Variants in SPEN observed in about 807,000 individuals in gnomAD.
SPEN encodes the protein spen family transcriptional repressor.
Under a neutral mutation model 269.9 loss-of-function variants are expected in SPEN, and 18 were observed. The observed-to-expected ratio is 0.07, with a 90% confidence interval of 0.05 to 0.10. The LOEUF is 0.10. Ranked by LOEUF, SPEN falls within the 10% of genes least tolerant of loss-of-function variation. SPEN has a pLI of 1.00. For missense variants in SPEN, 3,822 were observed against 4,631.2 expected, an observed-to-expected ratio of 0.83 and a Z score of 5.07; for synonymous variants, 1,726 against 1,765.7, an observed-to-expected ratio of 0.98 and a Z score of 0.56.
chr1:15,900,696 C>T (rs980324066), intron 3 of SPEN, among the ~76,000 whole-genome samples: 1 of 152,016 alleles, frequency 6.6e-6, no homozygotes, highest in African/African-American at 2.4e-5. Flanking sequence ...AAGGATCCTG[C>T]GTTTGGATTG....
In SPEN at chr1:15,847,819, G is replaced by T. The variant is rs1221551158; in HGVS notation, c.-249G>T. 1.7e-5 allele frequency: 4 copies of T among 237,038 alleles called. No homozygotes were observed. The East Asian group carries it at 2.9e-4, about 17-fold the overall frequency. The allele number at this position is 237,038 out of a possible 1,614,324, so 14.7% of individuals were successfully genotyped here. On this transcript the variant is annotated 5_prime_UTR_variant, in exon 1 of 15. Coordinates refer to ENST00000375759, the MANE Select transcript of SPEN (RefSeq NM_015001.3). ...CCGCCCCTGCCCGGGCGCATGCGCT[G>T]CCGGAGCGCGAGGGTCGGCTTCGGG...
intron 9 of SPEN, among the ~76,000 whole-genome samples, chr1:15,922,035 T>C (rs1318202818): frequency 6.6e-6 from 1 of 152,238 alleles, no homozygotes; most frequent in Non-Finnish European, 1.5e-5. Context: ...TTTGAAACTT[T>C]ATAAATTTCA....
At chr1:15,924,919 C>T (rs1189869674) in intron 10 of SPEN, among the ~76,000 whole-genome samples, 1 of 152,144 alleles carries the variant, frequency 6.6e-6, no homozygotes, top group Non-Finnish European at 1.5e-5. Flanking sequence ...CATGTGGTTT[C>T]AGTTGGCAGT....
Position 15,936,256 on chromosome 1 carries a change from C to T in SPEN, c.10016C>T (p.Thr3339Ile). The T allele has an allele frequency of 6.5e-7, 1 of 1,545,612 alleles. No homozygotes were observed. The highest frequency in any genetic ancestry group is 8.8e-7 in the Non-Finnish European group (1 of 1,137,986). ...SSVGLPSRTK[T>I]AAQGPPPEGE... ...GTTGGCCTGCCTTCCCGGACCAAGACAGCTGCTCAGGTGAGCCAGCCAGGT... is the reference window on the plus strand; with the variant it reads ...GTTGGCCTGCCTTCCCGGACCAAGATAGCTGCTCAGGTGAGCCAGCCAGGT... The change falls in exon 11 of 15, where the codon ACA becomes ATA. Residue 3339 changes from threonine (T) to isoleucine (I), a missense_variant. By Grantham distance (89) the Thr-to-Ile change is moderately conservative (BLOSUM62 -1). Around this residue, in one of 16 missense-constraint regions of SPEN, gnomAD observed 359 missense variants for 377.3 expected, o/e 0.95. Transcript: ENST00000375759.
rs747514839 is a variant in SPEN at position 15,929,616 on chromosome 1, A to C, written c.3376A>C (p.Arg1126=). ...GGTATTAGATGATCAAGGACCAGAG[A>C]GAGAAGACGTTAGGAAAAACTATTG... ...LQVLDDQGPE[R]EDVRKNYCSL... Residue 1126 remains arginine, a synonymous_variant, in exon 11 of 15, where the codon AGA becomes CGA. Coordinates refer to ENST00000375759, the MANE Select transcript of SPEN (RefSeq NM_015001.3). This position sits in a 1 kb window ranked among gnomAD's most constrained non-coding sequence, Gnocchi z 5.8. The C allele has an allele frequency of 4.3e-6, 7 of 1,614,162 alleles. No homozygotes were observed. The highest frequency in any genetic ancestry group is 5.9e-6 in the Non-Finnish European group (7 of 1,180,010).
intron 3 of SPEN, among the ~76,000 whole-genome samples, chr1:15,886,283 C>T (rs1422961921): frequency 6.6e-6 from 1 of 152,104 alleles, no homozygotes; most frequent in Non-Finnish European, 1.5e-5. Context: ...AACCAGGTAG[C>T]CTTAGCTCTG....
In SPEN at chr1:15,876,675, A is replaced by C. The variant is rs1356238418; in HGVS notation, c.878A>C (p.Asp293Ala). The change falls in exon 3 of 15, where the codon GAC becomes GCC. Residue 293 changes from aspartate (D) to alanine (A), a missense_variant. Transcript: ENST00000375759. ...SISSSSSTSS[D>A]SSDSSSSSSD... is the part of the protein sequence containing the mutation. ...AGCAGCAGCAGTAGTACCAGCAGTG[A>C]CAGGTAGGTTAACAGCCTTTTGTTA... 7.5e-6 allele frequency: 12 copies of C among 1,609,248 alleles called. No individual in the cohort carries two copies. The highest frequency in any genetic ancestry group is 2.7e-5 in the African/African-American group (2 of 74,846).
At chr1:15,875,207 T>C (rs1280472942) in intron 2 of SPEN, among the ~76,000 whole-genome samples, 2 of 152,174 alleles carry the variant, frequency 1.3e-5, no homozygotes, top group Non-Finnish European at 2.9e-5. Context: ...CATAATTGCA[T>C]GTGTGTAATC....
chr1:15,919,296 A>G (rs878984463), intron 7 of SPEN, 108 bp from the exon 8 acceptor site: 1 of 761,542 alleles, frequency 1.3e-6, no homozygotes. Flanking sequence ...CCCACTTGAG[A>G]TGTTGATTTG....
chr1:15,885,306 T>C (rs1014849348), intron 3 of SPEN, among the ~76,000 whole-genome samples: 1 of 152,202 alleles, frequency 6.6e-6, no homozygotes, highest in Non-Finnish European at 1.5e-5. Flanking sequence ...TGCTTCGTTA[T>C]TACTTTTTTA....
intron 1 of SPEN, among the ~76,000 whole-genome samples, chr1:15,872,612 A>AAG (rs2070592015): frequency 6.6e-6 from 1 of 151,892 alleles, no homozygotes; most frequent in African/African-American, 2.4e-5. Flanking sequence ...AAAAAAAAAA[A>AAG]AAAGAAATGA....
intron 13 of SPEN, among the ~76,000 whole-genome samples, chr1:15,938,312 C>G (rs760118918): frequency 5.3e-5 from 8 of 152,134 alleles, no homozygotes; most frequent in Non-Finnish European, 1.2e-4. Context: ...GATGGGGTTT[C>G]ACCATGTTGG....
chr1:15,928,113 G>A lies in SPEN; in HGVS notation c.1873G>A (p.Asp625Asn), dbSNP rs1350671357. ...ERREERRASY[D>N]YNQDRTYYES... ...CAGAGAGGAACGAAGGGCATCCTAC[G>A]ACTATAACCAAGATCGTACATATTA... Residue 625 changes from aspartate to asparagine, a missense_variant, in exon 11 of 15, where the codon GAC (aspartate) becomes AAC (asparagine). Around this residue, in one of 16 missense-constraint regions of SPEN, gnomAD observed 230 missense variants for 426.1 expected, o/e 0.54. Coordinates refer to ENST00000375759, the MANE Select transcript of SPEN (RefSeq NM_015001.3). The surrounding 1 kb of genome is among the most constrained non-coding windows in gnomAD (Gnocchi z 5.7). The A allele has an allele frequency of 3.7e-6, 6 of 1,608,092 alleles. No homozygotes were observed. The highest frequency in any genetic ancestry group is 3.3e-4 in the Middle Eastern group (2 of 6,040).
chr1:15,907,155 A>G (rs970274157), intron 3 of SPEN, among the ~76,000 whole-genome samples: 4 of 152,176 alleles, frequency 2.6e-5, no homozygotes, highest in African/African-American at 7.2e-5. Context: ...TTAGTTTTCT[A>G]TAAGAAAACA....
Position 15,855,990 on chromosome 1 carries a change from CT to C in SPEN, c.83+7860del, listed in dbSNP as rs1553173874. 1.9e-3 allele frequency among the ~76,000 whole-genome samples: 55 copies of C among 28,234 alleles called. 4 individuals carry two copies. The highest frequency in any genetic ancestry group is 2.9e-3 in the African/African-American group (28 of 9,696). The allele number at this position is 28,234 out of a possible 152,430, so 18.5% of individuals were successfully genotyped here. On this transcript the variant is annotated intron_variant, in intron 1 of 14. Coordinates refer to ENST00000375759, the MANE Select transcript of SPEN (RefSeq NM_015001.3). ...TTATTGTGTGAAAAGGATGCTAGAA[CT>C]TTTTTTTTTTTTTTTTTTTGAGACG...
chr1:15,869,676 A>G (rs1423078300), intron 1 of SPEN, among the ~76,000 whole-genome samples: 3 of 150,000 alleles, frequency 2.0e-5, no homozygotes, highest in African/African-American at 2.5e-5. Context: ...TGACTCACTC[A>G]TGGCCATTTT....
intron 3 of SPEN, among the ~76,000 whole-genome samples, chr1:15,898,619 T>C (rs1405344515): frequency 6.6e-6 from 1 of 150,392 alleles, no homozygotes; most frequent in Non-Finnish European, 1.5e-5. Flanking sequence ...GAGTGCAGTG[T>C]CTCAGTCTTG....
Position 15,931,823 on chromosome 1 carries a change from A to G in SPEN, c.5583A>G (p.Glu1861=), listed in dbSNP as rs752391779. 10 of 1,614,246 alleles carry G rather than the reference A, an allele frequency of 6.2e-6. No homozygotes were observed. Among genetic ancestry groups the G allele is most frequent in the Middle Eastern group, 3.3e-4 (2 of 6,062 alleles). Residue 1861 remains glutamate (E), a synonymous_variant, in exon 11 of 15, where the codon GAA becomes GAG. Coordinates refer to ENST00000375759, the MANE Select transcript of SPEN (RefSeq NM_015001.3). This position sits in a 1 kb window ranked among gnomAD's most constrained non-coding sequence, Gnocchi z 4.8. Reference sequence around the variant, plus strand: ...AGCGGTCCAATTCTCCTCGGGGAGAAGCACAGAAGCTTTTGGAATTGAAGA... The same window carrying G: ...AGCGGTCCAATTCTCCTCGGGGAGAGGCACAGAAGCTTTTGGAATTGAAGA... ...KLKRSNSPRG[E]AQKLLELKME...
At chr1:15,862,103 G>A (rs1461262120) in intron 1 of SPEN, among the ~76,000 whole-genome samples, 1 of 151,588 alleles carries the variant, frequency 6.6e-6, no homozygotes, top group Non-Finnish European at 1.5e-5. Context: ...GGCCTTTTGA[G>A]GGACTCTTGA....
Sources: allele counts gnomAD v4.1 joint callset (sites outside exome capture counted in the v4.1 genomes callset), GRCh38; gene constraint gnomAD v4.1.1; regional missense constraint gnomAD v4.1.1; non-coding constraint Gnocchi (gnomAD v3.1); transcripts MANE v1.5; gene names NCBI Gene and HGNC (gene_info 2026-07-23, HGNC 2026-07-21).